Variants in CELF2 observed in about 807,000 individuals in gnomAD.
The protein encoded by CELF2 is CUG triplet repeat RNA-binding protein 2.
Under a neutral mutation model 62.6 loss-of-function variants are expected in CELF2, and 8 were observed. The observed-to-expected ratio is 0.13, with a 90% CI of 0.07 to 0.23. CELF2 has a LOEUF of 0.23. Among genes scored for constraint, CELF2 ranks in the 10% least tolerant of loss-of-function variants. CELF2 has a pLI of 1.00. For missense variants in CELF2, 333 were observed against 671.0 expected (o/e 0.50, Z 5.56); for synonymous variants, 258 against 250.0 (o/e 1.03, Z -0.30).
chr10:10,899,722 GA>G (rs745738498), intron 1 of CELF2, among the ~76,000 whole-genome samples: 3 of 152,344 alleles, frequency 2.0e-5, no homozygotes, highest in Non-Finnish European at 4.4e-5. Flanking sequence ...GAGGCCCCAG[GA>G]AACTTACAAT....
At chr10:11,148,885 A>G (rs1451983856) in intron 1 of CELF2, among the ~76,000 whole-genome samples, 1 of 139,956 alleles carries the variant, frequency 7.1e-6, no homozygotes, top group Non-Finnish European at 1.6e-5. Context: ...AAGCAAGCCC[A>G]GTAGCCTGTC....
At chr10:10,546,451 TGA>T in the CELF2 span, among the ~76,000 whole-genome samples, 2 of 152,138 alleles carry the variant, frequency 1.3e-5, no homozygotes, top group South Asian at 4.1e-4. Flanking sequence ...TGGTCATTGG[TGA>T]GTTTAAGCCT....
the CELF2 span, among the ~76,000 whole-genome samples, chr10:10,474,630 C>T: frequency 2.0e-5 from 3 of 152,016 alleles, no homozygotes; most frequent in Non-Finnish European, 2.9e-5. Context: ...AAAATGATTC[C>T]TAACCTGCAG....
intron 1 of CELF2, among the ~76,000 whole-genome samples, chr10:10,914,344 AG>A (rs1353082553): frequency 6.6e-6 from 1 of 152,230 alleles, no homozygotes; most frequent in African/African-American, 2.4e-5. Context: ...TCCTAAAAAA[AG>A]AACTGCTCGC....
At chr10:10,743,226 C>T in the CELF2 span, among the ~76,000 whole-genome samples, 1 of 152,202 alleles carries the variant, frequency 6.6e-6, no homozygotes. Flanking sequence ...TGGATGCTCA[C>T]TATGATTTAG....
chr10:10,979,411 C>T (rs1592673209), intron 2 of CELF2, among the ~76,000 whole-genome samples: 1 of 152,186 alleles, frequency 6.6e-6, no homozygotes, highest in South Asian at 2.1e-4. Flanking sequence ...TGCCTCACGC[C>T]TGTAATCCCA....
chr10:11,126,057 G>A (rs79458436), intron 1 of CELF2, among the ~76,000 whole-genome samples: 1,535 of 152,296 alleles, frequency 0.01, 26 homozygotes, highest in African/African-American at 0.035. Context: ...ACATCCTGCA[G>A]CTATGCTGGC....
chr10:10,803,037 C>G (rs1265558673), intron 1 of CELF2, among the ~76,000 whole-genome samples: 1 of 152,114 alleles, frequency 6.6e-6, no homozygotes, highest in Non-Finnish European at 1.5e-5. Flanking sequence ...AATTTATATC[C>G]AAACTATTGC....
At chr10:10,681,771 T>C in the CELF2 span, among the ~76,000 whole-genome samples, 893 of 152,352 alleles carry the variant, frequency 5.9e-3, 3 homozygotes, top group Non-Finnish European at 8.2e-3. Flanking sequence ...TTTTCATTTA[T>C]AATAGCATAT....
chr10:10,603,318 A>G, the CELF2 span, among the ~76,000 whole-genome samples: 3 of 152,178 alleles, frequency 2.0e-5, no homozygotes, highest in South Asian at 6.3e-4. Flanking sequence ...AAATGAGAAA[A>G]ATAGCCAAAA....
intron 1 of CELF2, among the ~76,000 whole-genome samples, chr10:11,034,360 A>AT (rs11310337): frequency 1.1e-3 from 159 of 151,022 alleles, no homozygotes; most frequent in Non-Finnish European, 1.7e-3. Context: ...TTTAATTTTT[A>AT]TTTTTTTTTG....
chr10:11,004,422 C>T (rs113323935), upstream of CELF2, among the ~76,000 whole-genome samples: 160 of 148,586 alleles, frequency 1.1e-3, no homozygotes, highest in African/African-American at 2.1e-3. This position sits in a 1 kb window ranked among gnomAD's most constrained non-coding sequence, Gnocchi z 5.0. Flanking sequence ...TGTGCGCGCG[C>T]GTGTGTGTGT....
chr10:10,801,727 C>T (rs2054681538), intron 1 of CELF2, among the ~76,000 whole-genome samples: 1 of 152,152 alleles, frequency 6.6e-6, no homozygotes, highest in Admixed American at 6.5e-5. Flanking sequence ...CTGGAAGATC[C>T]TCATGTGTTT....
At chr10:11,230,057 C>G (rs1390240124) in intron 3 of CELF2, among the ~76,000 whole-genome samples, 3 of 152,198 alleles carry the variant, frequency 2.0e-5, no homozygotes, top group Admixed American at 2.0e-4. Context: ...ACCTGCTCAT[C>G]ATCTTCCCAC....
intron 5 of CELF2, among the ~76,000 whole-genome samples, chr10:11,261,933 T>A (rs1431566703): frequency 6.6e-6 from 1 of 152,134 alleles, no homozygotes; most frequent in African/African-American, 2.4e-5. Context: ...ATACACACAC[T>A]CTCACTTACC....
Position 11,156,566 on chromosome 10 carries a change from A to G in CELF2, c.75-8920A>G, listed in dbSNP as rs2064447527. Among the ~76,000 whole-genome samples, 1 of 152,136 alleles carries G rather than the reference A, an allele frequency of 6.6e-6. No homozygotes were observed. The highest frequency in any genetic ancestry group is 2.1e-4 in the South Asian group (1 of 4,820). On this transcript the variant is annotated intron_variant, in intron 1 of 12. Transcript: ENST00000633077. The surrounding 1 kb of genome is among the most constrained non-coding windows in gnomAD (Gnocchi z 4.3). ...CTATTTCATGCCCACTCTAGAATATAACTCCGTGAAGACTGTTTTACCCCC... is the reference window on the plus strand; with the variant it reads ...CTATTTCATGCCCACTCTAGAATATGACTCCGTGAAGACTGTTTTACCCCC...
rs2095916202 is a variant in CELF2, at chr10:11,329,215, CCCTACCCAGTTTG to C, written c.*165_*177del. The C allele has an allele frequency of 1.8e-6, 1 of 566,910 alleles. No individual in the cohort carries two copies. The highest frequency in any genetic ancestry group is 4.1e-5 in the South Asian group (1 of 24,504). The allele number at this position is 566,910 out of a possible 1,614,324, so 35.1% of individuals were successfully genotyped here. A position where few individuals can be genotyped will look rare whatever the true frequency, so the allele number is the denominator to read the frequency against. On this transcript the variant is annotated 3_prime_UTR_variant, in exon 13 of 13. Coordinates refer to ENST00000633077, the MANE Select transcript of CELF2 (RefSeq NM_001326342.2). This position sits in a 1 kb window ranked among gnomAD's most constrained non-coding sequence, Gnocchi z 5.5. The stretch of plus-strand genomic sequence containing the variant: ...AGGCCTCCATGTCCCCACCCACTTC[CCCTACCCAGTTTG>C]CCATAATTAAAACTTGGGCTACTTT...
At chr10:10,506,778 C>T in the CELF2 span, among the ~76,000 whole-genome samples, 1 of 135,602 alleles carries the variant, frequency 7.4e-6, no homozygotes, top group African/African-American at 2.8e-5. Context: ...CTGGATTCTG[C>T]CTAAGCCTCC....
the CELF2 span, among the ~76,000 whole-genome samples, chr10:10,677,255 T>C: frequency 6.6e-6 from 1 of 152,216 alleles, no homozygotes; most frequent in Non-Finnish European, 1.5e-5. Context: ...GAGTGGGTCT[T>C]ACGCTTGTGG....
Sources: gnomAD v4.1 joint callset for allele counts (sites outside exome capture counted in the v4.1 genomes callset) on GRCh38, gnomAD v4.1.1 for gene constraint, Gnocchi (gnomAD v3.1) non-coding constraint, MANE v1.5 for transcripts, NCBI Gene and HGNC (gene_info 2026-07-23, HGNC 2026-07-21) for gene names.